Variants in RPS6KA6 observed in about 807,000 individuals in gnomAD.
RPS6KA6 encodes ribosomal protein S6 kinase alpha-6.
A neutral mutation model predicts 65.4 loss-of-function variants in RPS6KA6; 27 were observed. That is an observed-to-expected ratio of 0.41 (90% CI 0.30 to 0.57). RPS6KA6 has a LOEUF of 0.57. Among genes scored for constraint, RPS6KA6 ranks in the 20% least tolerant of loss-of-function variants. The pLI is 0.24. For synonymous variants in RPS6KA6, 190 were observed against 184.2 expected (o/e 1.03, Z -0.26); for missense variants, 486 against 555.6 (o/e 0.87, Z 1.26).
chrX:84,159,001 A>G (rs1186660568), intron 2 of RPS6KA6, among the ~76,000 whole-genome samples: 1 of 111,680 alleles, frequency 9.0e-6, no homozygotes, highest in Non-Finnish European at 1.9e-5. Flanking sequence ...ATTTATAGTT[A>G]TACAGATACA....
rs368789390 is a variant in RPS6KA6 at position 84,144,083 on chromosome X, T to C, written c.501+1395A>G. On this transcript the variant is annotated intron_variant, in intron 6 of 21. Transcript: ENST00000262752. ...TGTAAAATGCAAACTACAAAACCTC[T>C]AGAAAACATAAGAGAAAATCTTTAG... Among the ~76,000 whole-genome samples, 183 of 110,880 alleles carry C rather than the reference T, an allele frequency of 1.7e-3. 1 individual carries two copies. Among genetic ancestry groups the C allele is most frequent in the African/African-American group, 5.8e-3 (179 of 30,650 alleles).
intron 1 of RPS6KA6, among the ~76,000 whole-genome samples, chrX:84,184,037 G>C (rs1167947574): frequency 8.9e-6 from 1 of 111,958 alleles, no homozygotes; most frequent in African/African-American, 3.2e-5. Context: ...CAAGAGTTCA[G>C]AATTTTTTTA....
chrX:84,110,902 G>A (rs1332522619), intron 12 of RPS6KA6, among the ~76,000 whole-genome samples: 2 of 108,627 alleles, frequency 1.8e-5, no homozygotes, highest in Non-Finnish European at 3.8e-5. Flanking sequence ...TGGATTGTAA[G>A]GAAGCTCAAT....
At chrX:84,150,091 C>G (rs975746148) in intron 3 of RPS6KA6, among the ~76,000 whole-genome samples, 6 of 111,222 alleles carry the variant, frequency 5.4e-5, no homozygotes, top group African/African-American at 2.0e-4. Flanking sequence ...TCCTTTTTCT[C>G]TTCATGAGCC....
chrX:84,141,406 T>A (rs1199656854), intron 6 of RPS6KA6, among the ~76,000 whole-genome samples: 1 of 97,344 alleles, frequency 1.0e-5, no homozygotes, highest in South Asian at 4.8e-4. Flanking sequence ...AAAAATGAAA[T>A]TGTAAAAAAA....
intron 13 of RPS6KA6, 117 bp downstream of exon 13, chrX:84,107,506 G>C: frequency 2.3e-6 from 1 of 441,118 alleles, no homozygotes; most frequent in Non-Finnish European, 3.8e-6. Flanking sequence ...TATTTCCCAT[G>C]GACAAATCAA....
chrX:84,106,141 T>C (rs1232946142), intron 15 of RPS6KA6, among the ~76,000 whole-genome samples: 1 of 111,859 alleles, frequency 8.9e-6, no homozygotes, highest in Non-Finnish European at 1.9e-5. Flanking sequence ...ACATAATACA[T>C]GTATAACAAA....
At chrX:84,187,300 G>A (rs1423790406) in intron 1 of RPS6KA6, 2 of 112,247 alleles carry the variant, frequency 1.8e-5, no homozygotes, top group African/African-American at 6.5e-5. Context: ...ACAGAGAAAC[G>A]AGAAAGCTGT....
chrX:84,160,616 C>T (rs1368420437), intron 2 of RPS6KA6, among the ~76,000 whole-genome samples: 10 of 111,163 alleles, frequency 9.0e-5, no homozygotes, highest in Non-Finnish European at 1.1e-4. Context: ...TTCATCTATT[C>T]AAACATCAGC....
At chrX:84,103,445 T>C (rs1450782193) in intron 17 of RPS6KA6, among the ~76,000 whole-genome samples, 1 of 111,515 alleles carries the variant, frequency 9.0e-6, no homozygotes, top group Admixed American at 9.6e-5. Flanking sequence ...CTCTATTTCA[T>C]GTAAGTTATC....
chrX:84,088,204 T>A (rs866744387), intron 20 of RPS6KA6, among the ~76,000 whole-genome samples: 1 of 112,105 alleles, frequency 8.9e-6, no homozygotes, highest in African/African-American at 3.2e-5. Context: ...GTCCTCTGCC[T>A]TTTTGAGTTT....
At chrX:84,102,697 G>A (rs944955047) in intron 17 of RPS6KA6, among the ~76,000 whole-genome samples, 5 of 110,901 alleles carry the variant, frequency 4.5e-5, no homozygotes, top group Non-Finnish European at 9.5e-5. Flanking sequence ...ATACTCTGAT[G>A]AGGAGTACAC....
intron 1 of RPS6KA6, among the ~76,000 whole-genome samples, chrX:84,166,397 T>C (rs778144720): frequency 7.2e-5 from 8 of 111,111 alleles, no homozygotes; most frequent in South Asian, 3.7e-4. Context: ...AGCAGAGAAA[T>C]AGAAACTATG....
At chrX:84,111,993 T>C (rs1331681391) in intron 12 of RPS6KA6, among the ~76,000 whole-genome samples, 1 of 111,228 alleles carries the variant, frequency 9.0e-6, no homozygotes, top group Non-Finnish European at 1.9e-5. Flanking sequence ...GAAAAAGATA[T>C]AGCATGCAAA....
At chrX:84,076,974 C>G (rs982782424) in intron 20 of RPS6KA6, among the ~76,000 whole-genome samples, 12 of 109,981 alleles carry the variant, frequency 1.1e-4, no homozygotes, top group Non-Finnish European at 3.8e-5. Flanking sequence ...ATACTAGCAA[C>G]AAAAGAAAAT....
intron 14 of RPS6KA6, among the ~76,000 whole-genome samples, 199 bp downstream of exon 14, chrX:84,106,711 G>T (rs771321157): frequency 9.0e-6 from 1 of 111,147 alleles, no homozygotes; most frequent in African/African-American, 3.3e-5. Context: ...TTATTCAAAA[G>T]AGGCCACATA....
chrX:84,145,739 C>A (rs182228169), intron 5 of RPS6KA6, among the ~76,000 whole-genome samples, 182 bp from the exon 6 acceptor site: 5 of 111,060 alleles, frequency 4.5e-5, no homozygotes, highest in Admixed American at 2.9e-4. Flanking sequence ...AACCCCTTCC[C>A]AGAACATAAT....
At chrX:84,153,022 C>T (rs1184103326) in intron 3 of RPS6KA6, among the ~76,000 whole-genome samples, 3 of 111,178 alleles carry the variant, frequency 2.7e-5, no homozygotes, top group Admixed American at 9.6e-5. Context: ...ATCACATGGA[C>T]GTTTATATTT....
rs770844421 is a variant in RPS6KA6 at position 84,104,538 on chromosome X, A to G, written c.1575T>C (p.Tyr525=). ...FSEREASDIL[Y]VISKTVDYLH... is the part of the protein sequence containing the mutation. Reference sequence around the variant, plus strand: ...GATAGTCAACTGTCTTACTTATTACATATAGTATATCACTAGCCTCCCGTT... The same window carrying G: ...GATAGTCAACTGTCTTACTTATTACGTATAGTATATCACTAGCCTCCCGTT... The change falls in exon 17 of 22, where the codon TAT becomes TAC. Residue 525 remains tyrosine (Y), a synonymous_variant. Coordinates refer to ENST00000262752, the MANE Select transcript of RPS6KA6 (RefSeq NM_014496.5). The G allele has an allele frequency of 2.0e-5, 23 of 1,176,857 alleles. No individual in the cohort carries two copies. The highest frequency in any genetic ancestry group is 2.4e-4 in the Middle Eastern group (1 of 4,226).
Sources: allele counts gnomAD v4.1 joint callset (sites outside exome capture counted in the v4.1 genomes callset), GRCh38; gene constraint gnomAD v4.1.1; transcripts MANE v1.5; gene names NCBI Gene and HGNC (gene_info 2026-07-23, HGNC 2026-07-21).